The following GIMAP2 variants were observed in gnomAD, a reference collection of about 807,000 sequenced individuals.
The protein encoded by GIMAP2 is GTPase IMAP family member 2.
In GIMAP2, 22 loss-of-function variants were observed where a neutral mutation model predicts 25.5. The ratio of observed to expected loss-of-function variants is 0.86; its 90% CI spans 0.62 to 1.23. The LOEUF (loss-of-function observed/expected upper bound fraction) is 1.23, where lower values mean the gene tolerates loss of function less well. Ranked by LOEUF, GIMAP2 falls within the 50% of genes most tolerant of loss-of-function variation. The pLI, the probability that GIMAP2 is intolerant of heterozygous loss-of-function variation, is 0.00. For missense variants in GIMAP2, 422 were observed against 395.7 expected (o/e 1.07, Z -0.56); for synonymous variants, 167 against 143.0 (o/e 1.17, Z -1.20).
At chr7:150,686,109 G>A (rs1796897203) in intron 1 of GIMAP2, among the ~76,000 whole-genome samples, 1 of 152,194 alleles carries the variant, frequency 6.6e-6, no homozygotes, top group Admixed American at 6.5e-5. Flanking sequence ...GAAACTAGCT[G>A]ATGAAAACGT....
intron 2 of GIMAP2, among the ~76,000 whole-genome samples, chr7:150,688,364 C>T (rs1322917364): frequency 6.6e-6 from 1 of 152,164 alleles, no homozygotes; most frequent in East Asian, 1.9e-4. Context: ...TTCCTGACCT[C>T]AAGTGATCTG....
At chr7:150,685,848 C>T (rs1796894880) in intron 1 of GIMAP2, 63 bp downstream of exon 1, 1 of 520,030 alleles carries the variant, frequency 1.9e-6, no homozygotes, top group African/African-American at 2.1e-5. Flanking sequence ...CATGCACAAA[C>T]ATTTTCATTT....
Position 150,692,589 on chromosome 7 carries a change from G to T in GIMAP2, c.303G>T (p.Leu101=), listed in dbSNP as rs6952002. Residue 101 remains leucine, a synonymous_variant, in exon 3 of 3, where the codon CTG becomes CTT. Transcript: ENST00000223293. Reference sequence around the variant, plus strand: ...AAGAGGTGCAGAGGTGCTACTTGCTGTCTGCACCAGGACCCCATGTGCTGC... The same window carrying T: ...AAGAGGTGCAGAGGTGCTACTTGCTTTCTGCACCAGGACCCCATGTGCTGC... ...LYKEVQRCYL[L]SAPGPHVLLL... 1.2e-6 allele frequency: 2 copies of T among 1,613,622 alleles called. No individual in the cohort carries two copies. Among genetic ancestry groups the T allele is most frequent in the Non-Finnish European group, 1.7e-6 (2 of 1,179,810 alleles).
In GIMAP2 at chr7:150,693,395, T is replaced by C. The variant is rs181767218; in HGVS notation, c.*95T>C. 9.7e-4 allele frequency: 735 copies of C among 754,364 alleles called. 3 individuals carry two copies. The African/African-American group carries it at 0.012, about 13-fold the overall frequency. The allele number at this position is 754,364 out of a possible 1,614,324, so 46.7% of individuals were successfully genotyped here. A position where few individuals can be genotyped will look rare whatever the true frequency, so the allele number is the denominator to read the frequency against. On this transcript the variant is annotated 3_prime_UTR_variant, in exon 3 of 3. Coordinates refer to ENST00000223293, the MANE Select transcript of GIMAP2 (RefSeq NM_015660.3). ...GTGGTACCTGAAGTCATATTTGAGA[T>C]TCTATGAAATGTTTAAATCTGAACA...
rs1796991297 is a variant in GIMAP2, at chr7:150,693,305, A to G, written c.*5A>G. On this transcript the variant is annotated 3_prime_UTR_variant, in exon 3 of 3. Transcript: ENST00000223293. ...CGCAAGACTCCTAGGTTATAGTTACAGATCCCAGTTATTATTTACTCACTA... is the reference window on the plus strand; with the variant it reads ...CGCAAGACTCCTAGGTTATAGTTACGGATCCCAGTTATTATTTACTCACTA... The G allele has an allele frequency of 2.0e-6, 3 of 1,522,412 alleles. No individual in the cohort carries two copies. Among genetic ancestry groups the G allele is most frequent in the African/African-American group, 1.4e-5 (1 of 72,438 alleles). The allele number at this position is 1,522,412 out of a possible 1,614,324, so 94.3% of individuals were successfully genotyped here.
Position 150,692,434 on chromosome 7 carries a change from T to C in GIMAP2, c.148T>C (p.Ser50Pro). The change falls in exon 3 of 3, where the codon TCG (serine) becomes CCG (proline). Residue 50 changes from serine to proline, a missense_variant. By Grantham distance (74) the Ser-to-Pro change is moderately conservative (BLOSUM62 -1). Coordinates refer to ENST00000223293, the MANE Select transcript of GIMAP2 (RefSeq NM_015660.3). ...NSILRKQAFE[S>P]KLGSQTLTKT... ...CATCCTCAGGAAGCAAGCATTTGAA[T>C]CGAAGCTGGGTTCCCAGACCTTGAC... The C allele has an allele frequency of 6.2e-7, 1 of 1,614,116 alleles. No individual in the cohort carries two copies. The highest frequency in any genetic ancestry group is 8.5e-7 in the Non-Finnish European group (1 of 1,180,024).
intron 1 of GIMAP2, among the ~76,000 whole-genome samples, chr7:150,686,398 A>C (rs965340658): frequency 1.3e-5 from 2 of 152,136 alleles, no homozygotes; most frequent in African/African-American, 4.8e-5. Context: ...GGTGTAAGGG[A>C]AGGCACACCT....
chr7:150,687,501 T>G, intron 2 of GIMAP2: 1 of 157,250 alleles, frequency 6.4e-6, no homozygotes, highest in Non-Finnish European at 1.4e-5. Flanking sequence ...GGTCTCAAAC[T>G]CCTGACCTTG....
In GIMAP2 at chr7:150,692,595, A is replaced by T. The variant is rs888485556; in HGVS notation, c.309A>T (p.Ala103=). Residue 103 remains alanine (A), a synonymous_variant, in exon 3 of 3, where the codon GCA becomes GCT. Coordinates refer to ENST00000223293, the MANE Select transcript of GIMAP2 (RefSeq NM_015660.3). ...KEVQRCYLLS[A]PGPHVLLLVT... ...TGCAGAGGTGCTACTTGCTGTCTGCACCAGGACCCCATGTGCTGCTCCTGG... is the reference window on the plus strand; with the variant it reads ...TGCAGAGGTGCTACTTGCTGTCTGCTCCAGGACCCCATGTGCTGCTCCTGG... 3 of 1,614,048 alleles carry T rather than the reference A, an allele frequency of 1.9e-6. No homozygotes were observed. Among genetic ancestry groups the T allele is most frequent in the Admixed American group, 3.3e-5 (2 of 60,010 alleles).
At chr7:150,686,466 C>G (rs1410624446) in intron 1 of GIMAP2, among the ~76,000 whole-genome samples, 1 of 152,020 alleles carries the variant, frequency 6.6e-6, no homozygotes, top group Non-Finnish European at 1.5e-5. Flanking sequence ...AGAAGGGAGC[C>G]GGGCTGATCT....
rs1001416847 is a variant in GIMAP2, at chr7:150,687,735, G to C, written c.28+648G>C. 1.3e-4 allele frequency among the ~76,000 whole-genome samples: 20 copies of C among 151,794 alleles called. 1 individual carries two copies. Among genetic ancestry groups the C allele is most frequent in the East Asian group, 7.7e-4 (4 of 5,166 alleles). Reference sequence around the variant, plus strand: ...AGGTTCTTTGTGTGTGTGTGTGTGTGTCTCTCTCTCTGTCTTTCTGTCTGT... The same window carrying C: ...AGGTTCTTTGTGTGTGTGTGTGTGTCTCTCTCTCTCTGTCTTTCTGTCTGT... On this transcript the variant is annotated intron_variant, in intron 2 of 2. Coordinates refer to ENST00000223293, the MANE Select transcript of GIMAP2 (RefSeq NM_015660.3).
At chr7:150,687,111 T>TGC (rs1373879323) in intron 2 of GIMAP2, 24 bp downstream of exon 2, 1 of 272,930 alleles carries the variant, frequency 3.7e-6, no homozygotes, top group Admixed American at 6.2e-5. Context: ...TTCACGTGTG[T>TGC]GTGTGTGTGT....
intron 2 of GIMAP2, 34 bp from the exon 3 acceptor site, chr7:150,692,281 T>G (rs767652924): frequency 1.9e-6 from 3 of 1,596,152 alleles, no homozygotes; most frequent in Non-Finnish European, 2.6e-6. Context: ...CCGTGATCAG[T>G]GTAGCGATAA....
At chr7:150,688,710 T>C (rs968344501) in intron 2 of GIMAP2, among the ~76,000 whole-genome samples, 2 of 152,116 alleles carry the variant, frequency 1.3e-5, no homozygotes, top group Non-Finnish European at 2.9e-5. Flanking sequence ...GATGGGTGAC[T>C]GGAGAAAGAA....
Position 150,692,820 on chromosome 7 carries a change from A to G in GIMAP2, c.534A>G (p.Arg178=), listed in dbSNP as rs1244522160. The G allele has an allele frequency of 6.2e-7, 1 of 1,614,240 alleles. No individual in the cohort carries two copies. Among genetic ancestry groups the G allele is most frequent in the Non-Finnish European group, 8.5e-7 (1 of 1,180,052 alleles). ...LSKLVAACGG[R]ICAFNNRAEG... is the part of the protein sequence containing the mutation. ...AGCTGGTGGCAGCATGTGGTGGGCGAATCTGTGCCTTTAATAACCGTGCTG... is the reference window on the plus strand; with the variant it reads ...AGCTGGTGGCAGCATGTGGTGGGCGGATCTGTGCCTTTAATAACCGTGCTG... Residue 178 remains arginine (R), a synonymous_variant, in exon 3 of 3, where the codon CGA becomes CGG. Coordinates refer to ENST00000223293, the MANE Select transcript of GIMAP2 (RefSeq NM_015660.3).
chr7:150,689,597 A>T (rs1447738408), intron 2 of GIMAP2: 1 of 698,256 alleles, frequency 1.4e-6, no homozygotes, highest in Non-Finnish European at 2.6e-6. Flanking sequence ...GTGTAATGTA[A>T]TGCCTGCTTC....
intron 2 of GIMAP2, among the ~76,000 whole-genome samples, chr7:150,688,032 G>C (rs1412731089): frequency 3.9e-5 from 6 of 152,134 alleles, no homozygotes; most frequent in Non-Finnish European, 7.4e-5. Flanking sequence ...TATGGAACTT[G>C]TTTATTGATC....
At chr7:150,685,806 A>T in intron 1 of GIMAP2, 21 bp downstream of exon 1, 1 of 899,106 alleles carries the variant, frequency 1.1e-6, no homozygotes, top group South Asian at 5.1e-5. Flanking sequence ...ATTTACGAAA[A>T]GTTCTGCAGT....
At position 150,688,566 on chromosome 7, in the gene GIMAP2, C is replaced by T. The variant is rs578027756; in HGVS notation, c.28+1479C>T. On this transcript the variant is annotated intron_variant, in intron 2 of 2. Coordinates refer to ENST00000223293, the MANE Select transcript of GIMAP2 (RefSeq NM_015660.3). Reference sequence around the variant, plus strand: ...TCGGTGCCGTCTAACATCAAACTTACATTCAATTTGAGTTTCTCCTTCCTC... The same window carrying T: ...TCGGTGCCGTCTAACATCAAACTTATATTCAATTTGAGTTTCTCCTTCCTC... Among the ~76,000 whole-genome samples the T allele has an allele frequency of 5.9e-5, 9 of 152,302 alleles. No homozygotes were observed. In the South Asian group the frequency reaches 1.7e-3, roughly 28 times the overall value.
Sources: gnomAD v4.1 joint callset for allele counts (sites outside exome capture counted in the v4.1 genomes callset) on GRCh38, gnomAD v4.1.1 for gene constraint, MANE v1.5 for transcripts, NCBI Gene and HGNC (gene_info 2026-07-23, HGNC 2026-07-21) for gene names.